The following CDK13 variants were observed in gnomAD, a reference collection of about 807,000 sequenced individuals.
CDK13 encodes the protein cyclin-dependent kinase 13.
CDK13 carries 40 observed loss-of-function variants against 137.6 expected under a neutral mutation model. That is an observed-to-expected ratio of 0.29 (90% CI 0.23 to 0.38). The LOEUF (loss-of-function observed/expected upper bound fraction) is 0.38, where lower values mean the gene tolerates loss of function less well. Ranked by LOEUF, CDK13 falls within the 10% of genes least tolerant of loss-of-function variation. The pLI, the probability that CDK13 is intolerant of heterozygous loss-of-function variation, is 1.00. For missense variants in CDK13, 1,704 were observed against 1,951.8 expected, an observed-to-expected ratio of 0.87 and a Z score of 2.39; for synonymous variants, 869 against 760.1, an observed-to-expected ratio of 1.14 and a Z score of -2.36.
chr7:39,963,111 T>C (rs1783787026), intron 1 of CDK13, among the ~76,000 whole-genome samples: 1 of 152,220 alleles, frequency 6.6e-6, no homozygotes, highest in Admixed American at 6.5e-5. Flanking sequence ...GTGTGGGCTC[T>C]TTTTTGGTTC....
chr7:40,019,800 T>C (rs1583996484), intron 5 of CDK13, among the ~76,000 whole-genome samples: 1 of 152,118 alleles, frequency 6.6e-6, no homozygotes, highest in African/African-American at 2.4e-5. Flanking sequence ...GGGAATCTGT[T>C]AGCTTACATG....
At chr7:39,980,827 T>G (rs1784208547) in intron 1 of CDK13, among the ~76,000 whole-genome samples, 1 of 152,200 alleles carries the variant, frequency 6.6e-6, no homozygotes, top group African/African-American at 2.4e-5. Context: ...AATAGTCAAG[T>G]GAACAATATA....
intron 11 of CDK13, among the ~76,000 whole-genome samples, chr7:40,082,998 G>C (rs981033173): frequency 1.7e-4 from 25 of 151,506 alleles, no homozygotes; most frequent in Non-Finnish European, 2.2e-4. Flanking sequence ...AGCTACTCCA[G>C]AGGGTGAGGC....
At chr7:40,028,405 A>G (rs922902823) in intron 5 of CDK13, among the ~76,000 whole-genome samples, 2 of 151,806 alleles carry the variant, frequency 1.3e-5, no homozygotes, top group Non-Finnish European at 2.9e-5. Context: ...TTTTTAGTAG[A>G]GACGAGGTTT....
intron 5 of CDK13, among the ~76,000 whole-genome samples, chr7:40,022,891 T>C (rs1391603774): frequency 1.3e-5 from 2 of 151,176 alleles, no homozygotes; most frequent in Admixed American, 1.3e-4. Flanking sequence ...GCAGAAATGG[T>C]TTTGAATTTC....
At position 40,080,710 on chromosome 7, in the gene CDK13, T is replaced by C. The variant is rs145617127; in HGVS notation, c.3029+1859T>C. Among the ~76,000 whole-genome samples the C allele has an allele frequency of 5.2e-3, 785 of 152,326 alleles. 10 individuals carry two copies. Among genetic ancestry groups the C allele is most frequent in the African/African-American group, 0.018 (750 of 41,570 alleles). On this transcript the variant is annotated intron_variant, in intron 11 of 13. Coordinates refer to ENST00000181839, the MANE Select transcript of CDK13 (RefSeq NM_003718.5). ...CTGATTTGGAAAAATTTCAACTCTA[T>C]AGAAAAATAGGAAGAATAGTACAAA... is the stretch of plus-strand genomic sequence containing the variant.
chr7:40,030,739 T>C (rs1201733390), intron 5 of CDK13, among the ~76,000 whole-genome samples: 2 of 152,134 alleles, frequency 1.3e-5, no homozygotes. Flanking sequence ...GTTTTGCCTT[T>C]TCAGAATGTC....
At chr7:40,090,037 T>G (rs1354543180) in intron 12 of CDK13, among the ~76,000 whole-genome samples, 3 of 152,218 alleles carry the variant, frequency 2.0e-5, no homozygotes, top group African/African-American at 7.2e-5. Context: ...AAAAGTATTC[T>G]TTCTTGAAAT....
intron 1 of CDK13, among the ~76,000 whole-genome samples, chr7:39,983,236 A>G (rs1283717821): frequency 1.3e-5 from 2 of 152,152 alleles, no homozygotes; most frequent in African/African-American, 2.4e-5. Flanking sequence ...CTTTCTACAT[A>G]TGGCTAGCCA....
intron 7 of CDK13, among the ~76,000 whole-genome samples, chr7:40,057,440 G>A (rs538903119): frequency 6.6e-6 from 1 of 152,280 alleles, no homozygotes; most frequent in East Asian, 1.9e-4. Flanking sequence ...GAGGAGGGAG[G>A]AGAGTAATGA....
At chr7:40,020,621 T>C (rs190992683) in intron 5 of CDK13, among the ~76,000 whole-genome samples, 97 of 152,238 alleles carry the variant, frequency 6.4e-4, no homozygotes, top group African/African-American at 2.1e-3. Context: ...CCAACTCTTA[T>C]AACAGACACT....
chr7:40,053,116 C>A (rs1785929839), intron 7 of CDK13, among the ~76,000 whole-genome samples: 1 of 152,116 alleles, frequency 6.6e-6, no homozygotes, highest in Non-Finnish European at 1.5e-5. Flanking sequence ...CATTTTTGAG[C>A]ATATAAAGTG....
chr7:40,065,655 C>T (rs900300544), intron 9 of CDK13, among the ~76,000 whole-genome samples: 1 of 151,986 alleles, frequency 6.6e-6, no homozygotes, highest in Non-Finnish European at 1.5e-5. Flanking sequence ...TAACCCTGTG[C>T]TTAGGAGAAA....
At position 40,097,429 on chromosome 7, in the gene CDK13, TA is replaced by T. The variant is rs544329185; in HGVS notation, c.*2455del. ...TCTTATAATTGATGAAATATGATAG[TA>T]AAAAATTTTAATGCTTCCCTTCATA... On this transcript the variant is annotated 3_prime_UTR_variant, in exon 14 of 14. Coordinates refer to ENST00000181839, the MANE Select transcript of CDK13 (RefSeq NM_003718.5). 1.6e-3 allele frequency: 238 copies of T among 152,224 alleles called. No homozygotes were observed. The highest frequency in any genetic ancestry group is 5.7e-3 in the African/African-American group (235 of 41,564). 9.4% of individuals were successfully genotyped at this position (152,224 alleles called of 1,614,324 possible).
rs191289179 is a variant in CDK13, at chr7:40,089,317, G to A, written c.3235+986G>A. Among the ~76,000 whole-genome samples, 967 of 151,358 alleles carry A rather than the reference G, an allele frequency of 6.4e-3. 33 individuals are homozygous for A. Among genetic ancestry groups the A allele is most frequent in the Admixed American group, 0.059 (889 of 15,146 alleles). On this transcript the variant is annotated intron_variant, in intron 12 of 13. Coordinates refer to ENST00000181839, the MANE Select transcript of CDK13 (RefSeq NM_003718.5). ...TAGCTGGGCATGGTGGCACACACCT[G>A]TAATCCCAGCTACTCAGGAGGCTCA... is the stretch of plus-strand genomic sequence containing the variant.
At chr7:40,035,711 C>T (rs955078190) in intron 5 of CDK13, among the ~76,000 whole-genome samples, 1 of 151,852 alleles carries the variant, frequency 6.6e-6, no homozygotes, top group Admixed American at 6.6e-5. Flanking sequence ...AGTGTAATAA[C>T]AATAGAAATA....
rs772416023 is a variant in CDK13 at position 40,092,781 on chromosome 7, T to A, written c.3236-4T>A. ...AGTTCTAATTAATATAATTTTGTCT[T>A]TAGTAAAAACAGGCCCTGGACAGCA... is the stretch of plus-strand genomic sequence containing the variant. On this transcript the variant is annotated splice_region_variant and splice_polypyrimidine_tract_variant and intron_variant, in intron 12 of 13. Transcript: ENST00000181839. 6 of 1,607,422 alleles carry A rather than the reference T, an allele frequency of 3.7e-6. No homozygotes were observed. The highest frequency in any genetic ancestry group is 4.3e-6 in the Non-Finnish European group (5 of 1,176,218).
chr7:40,094,100 T>C (rs1786987590), intron 13 of CDK13, 30 bp from the exon 14 acceptor site: 2 of 1,604,784 alleles, frequency 1.2e-6, no homozygotes, highest in East Asian at 2.2e-5. Flanking sequence ...ATGGTAACTT[T>C]TGACCTTGTT....
Position 39,950,574 on chromosome 7 carries a change from G to A in CDK13, c.-68G>A. 1 of 1,272,110 alleles carries A rather than the reference G, an allele frequency of 7.9e-7. No homozygotes were observed. Among genetic ancestry groups the A allele is most frequent in the Non-Finnish European group, 9.9e-7 (1 of 1,009,462 alleles). 78.8% of individuals were successfully genotyped at this position (1,272,110 alleles called of 1,614,324 possible). A position where few individuals can be genotyped will look rare whatever the true frequency, so the allele number is the denominator to read the frequency against. On this transcript the variant is annotated 5_prime_UTR_variant, in exon 1 of 14. Transcript: ENST00000181839. The stretch of plus-strand genomic sequence containing the variant: ...CGCCGCCGCTCCCGTTTCCGGCGGG[G>A]GAGATGGCCAGGATCTGACCCGGGA...
Sources: gnomAD v4.1 joint callset for allele counts (sites outside exome capture counted in the v4.1 genomes callset) on GRCh38, gnomAD v4.1.1 for gene constraint, MANE v1.5 for transcripts, NCBI Gene and HGNC (gene_info 2026-07-23, HGNC 2026-07-21) for gene names.